Variants in PAN3 observed in about 807,000 individuals in gnomAD.
PAN3 encodes PAN2-PAN3 deadenylation complex subunit PAN3.
A neutral mutation model predicts 96.2 loss-of-function variants in PAN3; 19 were observed. That is an observed-to-expected ratio of 0.20 (90% CI 0.14 to 0.29). PAN3 has a LOEUF of 0.29. Ranked by LOEUF, PAN3 falls within the 10% of genes least tolerant of loss-of-function variation. The probability of loss-of-function intolerance (pLI) is 1.00; values close to 1 mark genes in which losing one functional copy is unlikely to be tolerated. For missense variants in PAN3, 882 were observed against 1,108.1 expected (o/e 0.80, Z 2.90); for synonymous variants, 433 against 406.6 (o/e 1.06, Z -0.78).
At chr13:28,162,455 C>T (rs1047134156) in intron 1 of PAN3, among the ~76,000 whole-genome samples, 4 of 151,824 alleles carry the variant, frequency 2.6e-5, no homozygotes, top group Non-Finnish European at 4.4e-5. Context: ...GAGGCCGAGG[C>T]GGGTGGATTG....
chr13:28,281,264 G>A (rs1887449385), intron 16 of PAN3, 51 bp from the exon 17 acceptor site: 1 of 1,504,234 alleles, frequency 6.6e-7, no homozygotes, highest in Admixed American at 1.7e-5. Context: ...TGGCTTTTAT[G>A]TTCAGTTATC....
intron 1 of PAN3, among the ~76,000 whole-genome samples, chr13:28,168,315 T>G (rs553200484): frequency 3.3e-5 from 5 of 152,208 alleles, no homozygotes; most frequent in African/African-American, 7.2e-5. Context: ...AGCATTTCCT[T>G]TGAGCATCAT....
chr13:28,208,665 C>G (rs1207691666), intron 5 of PAN3, among the ~76,000 whole-genome samples: 1 of 152,038 alleles, frequency 6.6e-6, no homozygotes, highest in Non-Finnish European at 1.5e-5. Context: ...GATTTTGGAG[C>G]ATTTCAGATT....
At chr13:28,218,860 C>G (rs569056946) in intron 5 of PAN3, among the ~76,000 whole-genome samples, 3 of 152,188 alleles carry the variant, frequency 2.0e-5, no homozygotes, top group East Asian at 1.9e-4. Context: ...GGTAATCTTG[C>G]GTAATCCTGA....
At chr13:28,217,473 T>G (rs757238259) in intron 5 of PAN3, among the ~76,000 whole-genome samples, 1 of 151,868 alleles carries the variant, frequency 6.6e-6, no homozygotes, top group Non-Finnish European at 1.5e-5. Flanking sequence ...TCCCTGCTAC[T>G]AGGGTGACTG....
intron 1 of PAN3, among the ~76,000 whole-genome samples, chr13:28,159,146 G>T (rs961405909): frequency 1.3e-5 from 2 of 152,224 alleles, no homozygotes; most frequent in Admixed American, 1.3e-4. Context: ...TCATAAAGAC[G>T]CATGAATATG....
intron 15 of PAN3, among the ~76,000 whole-genome samples, chr13:28,278,357 A>G (rs933215464): frequency 5.9e-5 from 9 of 152,208 alleles, no homozygotes; most frequent in Admixed American, 5.9e-4. Flanking sequence ...CTTGTTTTAT[A>G]TATGATCACA....
intron 5 of PAN3, among the ~76,000 whole-genome samples, chr13:28,214,239 A>G (rs1288338244): frequency 6.6e-6 from 1 of 152,232 alleles, no homozygotes; most frequent in Non-Finnish European, 1.5e-5. Context: ...TACAAATGAA[A>G]CGTGTATTTG....
chr13:28,246,985 AG>A (rs756828898), intron 6 of PAN3, among the ~76,000 whole-genome samples: 21 of 152,046 alleles, frequency 1.4e-4, no homozygotes, highest in Non-Finnish European at 2.6e-4. Flanking sequence ...AGTTTTTTTG[AG>A]GAACCTCCAT....
At chr13:28,229,933 A>G (rs1882368538) in intron 6 of PAN3, among the ~76,000 whole-genome samples, 1 of 152,158 alleles carries the variant, frequency 6.6e-6, no homozygotes, top group Non-Finnish European at 1.5e-5. Flanking sequence ...CTTCATTTTG[A>G]GAATGACTGC....
chr13:28,254,068 C>A (rs1884954358), intron 6 of PAN3, among the ~76,000 whole-genome samples: 1 of 152,120 alleles, frequency 6.6e-6, no homozygotes, highest in African/African-American at 2.4e-5. Context: ...CTACACATAG[C>A]CCCATCCCCA....
chr13:28,260,160 G>T (rs969834803), intron 7 of PAN3, among the ~76,000 whole-genome samples: 1 of 151,984 alleles, frequency 6.6e-6, no homozygotes. Flanking sequence ...ACTTTGGGAG[G>T]CCGAGGCAGG....
chr13:28,289,647 CACGG>C (rs1869467831), intron 18 of PAN3, among the ~76,000 whole-genome samples: 1 of 152,118 alleles, frequency 6.6e-6, no homozygotes, highest in Non-Finnish European at 1.5e-5. Context: ...TTTGGGAGGC[CACGG>C]CGGGCGGATC....
intron 1 of PAN3, among the ~76,000 whole-genome samples, chr13:28,172,643 A>G (rs1250517428): frequency 1.3e-5 from 2 of 152,166 alleles, no homozygotes; most frequent in Non-Finnish European, 2.9e-5. Context: ...TATTTTAAAC[A>G]TATCCTGGAC....
At chr13:28,200,364 G>A (rs571242368) in intron 5 of PAN3, among the ~76,000 whole-genome samples, 10 of 152,010 alleles carry the variant, frequency 6.6e-5, no homozygotes, top group Admixed American at 3.9e-4. Context: ...ATTCCTTTAC[G>A]TTCATTTCTT....
At chr13:28,262,899 C>T (rs777345190) in intron 9 of PAN3, among the ~76,000 whole-genome samples, 17 of 152,136 alleles carry the variant, frequency 1.1e-4, no homozygotes, top group South Asian at 2.1e-4. Context: ...TTATTTATTA[C>T]GCAGTATTAA....
chr13:28,164,756 G>A (rs1196397604), intron 1 of PAN3, among the ~76,000 whole-genome samples: 1 of 152,192 alleles, frequency 6.6e-6, no homozygotes, highest in South Asian at 2.1e-4. Context: ...CACTGCTCTA[G>A]TATGATGTTT....
intron 6 of PAN3, among the ~76,000 whole-genome samples, chr13:28,229,025 G>GA (rs372550849): frequency 1.8e-3 from 281 of 152,306 alleles, no homozygotes; most frequent in African/African-American, 5.9e-3. Flanking sequence ...AAGTGAGCTA[G>GA]AAAGGAAGGG....
At chr13:28,160,260 A>C (rs1034949271) in intron 1 of PAN3, among the ~76,000 whole-genome samples, 2 of 152,208 alleles carry the variant, frequency 1.3e-5, no homozygotes, top group African/African-American at 4.8e-5. Flanking sequence ...TATTTTGAAA[A>C]GATAACTATA....
Sources: gnomAD v4.1 joint callset for allele counts (sites outside exome capture counted in the v4.1 genomes callset) on GRCh38, gnomAD v4.1.1 for gene constraint, MANE v1.5 for transcripts, NCBI Gene and HGNC (gene_info 2026-07-23, HGNC 2026-07-21) for gene names.